The following EPB41L4B variants were observed in gnomAD, a reference collection of about 807,000 sequenced individuals.
The protein encoded by EPB41L4B is band 4.1-like protein 4B.
A neutral mutation model predicts 112.5 loss-of-function variants in EPB41L4B; 30 were observed. The observed-to-expected ratio is 0.27, with a 90% confidence interval of 0.20 to 0.36. The LOEUF is 0.36. Ranked by LOEUF, EPB41L4B falls within the 10% of genes least tolerant of loss-of-function variation. EPB41L4B has a pLI of 1.00. For synonymous variants in EPB41L4B, 408 were observed against 439.7 expected (o/e 0.93, Z 0.90); for missense variants, 1,024 against 1,133.3 (o/e 0.90, Z 1.38).
At chr9:109,240,030 C>T in intron 15 of EPB41L4B, 1 of 985,408 alleles carries the variant, frequency 1.0e-6, no homozygotes, top group Non-Finnish European at 1.2e-6. Context: ...TCTTGCTCCA[C>T]CCACCTAACT....
intron 1 of EPB41L4B, among the ~76,000 whole-genome samples, chr9:109,296,863 C>T (rs1251537945): frequency 6.8e-6 from 1 of 146,854 alleles, no homozygotes; most frequent in Non-Finnish European, 1.5e-5. Flanking sequence ...CAGAACGAGG[C>T]CATGTCTCAA....
chr9:109,272,930 A>C (rs988844064), intron 2 of EPB41L4B, among the ~76,000 whole-genome samples: 1 of 152,126 alleles, frequency 6.6e-6, no homozygotes, highest in African/African-American at 2.4e-5. Context: ...GATAAGAGGC[A>C]GAGCTGGAAT....
At position 109,267,976 on chromosome 9, in the gene EPB41L4B, A is replaced by G. The variant is rs1835467006; in HGVS notation, c.454+415T>C. 1.3e-5 allele frequency among the ~76,000 whole-genome samples: 2 copies of G among 152,252 alleles called. 1 individual carries two copies. Among genetic ancestry groups the G allele is most frequent in the South Asian group, 4.1e-4 (2 of 4,832 alleles). ...GAATTTTTAAAAATTACCCAAGCAT[A>G]AACAACATTAAAAAATGTGGTTTCC... On this transcript the variant is annotated intron_variant, in intron 3 of 25. Coordinates refer to ENST00000374566, the MANE Select transcript of EPB41L4B (RefSeq NM_019114.5).
At chr9:109,213,602 G>T in intron 17 of EPB41L4B, 98 bp downstream of exon 17, 1 of 950,934 alleles carries the variant, frequency 1.1e-6, no homozygotes, top group South Asian at 1.4e-5. Context: ...TCCCTCCAAG[G>T]CAAAGGCACT....
rs377325705 is a variant in EPB41L4B, at chr9:109,310,088, C to T, written c.306+10053G>A. 2.0e-5 allele frequency among the ~76,000 whole-genome samples: 3 copies of T among 152,194 alleles called. No individual in the cohort carries two copies. The South Asian group carries it at 6.2e-4, about 32-fold the overall frequency. Reference sequence around the variant, plus strand: ...AAGTTCAAAGCGGTGTTTTTTTTCCCTAATAGTTCCAAAGTGAAAACATCC... The same window carrying T: ...AAGTTCAAAGCGGTGTTTTTTTTCCTTAATAGTTCCAAAGTGAAAACATCC... On this transcript the variant is annotated intron_variant, in intron 1 of 25. Coordinates refer to ENST00000374566, the MANE Select transcript of EPB41L4B (RefSeq NM_019114.5).
At chr9:109,274,978 C>T (rs1835757669) in intron 2 of EPB41L4B, among the ~76,000 whole-genome samples, 2 of 152,240 alleles carry the variant, frequency 1.3e-5, no homozygotes, top group Admixed American at 6.5e-5. Context: ...GCCCTTGGCT[C>T]TCAGAAGCAA....
chr9:109,192,402 A>C, intron 21 of EPB41L4B, 47 bp from the exon 22 acceptor site: 1 of 1,443,854 alleles, frequency 6.9e-7, no homozygotes, highest in Non-Finnish European at 9.5e-7. Flanking sequence ...CACTGCATTG[A>C]TGATAAAGTT....
chr9:109,216,905 C>T lies in EPB41L4B; in HGVS notation c.1633+17G>A, dbSNP rs1374537336. 1 of 1,612,838 alleles carries T rather than the reference C, an allele frequency of 6.2e-7. No homozygotes were observed. Among genetic ancestry groups the T allele is most frequent in the East Asian group, 2.2e-5 (1 of 44,886 alleles). On this transcript the variant is annotated intron_variant, in intron 16 of 25. Transcript: ENST00000374566. ...TGCTCCCCCTTCTCCTGCCTTGCCC[C>T]CTCCACCCCTACTCACTTGTAAGGG...
intron 1 of EPB41L4B, among the ~76,000 whole-genome samples, chr9:109,288,256 T>A (rs993714674): frequency 3.3e-5 from 5 of 152,190 alleles, no homozygotes; most frequent in African/African-American, 4.8e-5. Flanking sequence ...ACTGGCTCTG[T>A]GATCTTGGAT....
intron 2 of EPB41L4B, among the ~76,000 whole-genome samples, chr9:109,278,600 G>C (rs1216380665): frequency 2.0e-5 from 3 of 152,120 alleles, no homozygotes; most frequent in Non-Finnish European, 2.9e-5. Flanking sequence ...GGGAGCTCCA[G>C]GTCTCCAGCT....
intron 16 of EPB41L4B, among the ~76,000 whole-genome samples, chr9:109,216,610 C>T (rs1029647371): frequency 6.8e-6 from 1 of 147,608 alleles, no homozygotes; most frequent in Non-Finnish European, 1.5e-5. Flanking sequence ...CACTGCACTC[C>T]AGCCTGGGTG....
At chr9:109,295,211 C>T (rs187369479) in intron 1 of EPB41L4B, among the ~76,000 whole-genome samples, 1 of 152,286 alleles carries the variant, frequency 6.6e-6, no homozygotes, top group African/African-American at 2.4e-5. Context: ...ACTTCACAGA[C>T]ACCACGTCCT....
chr9:109,309,759 G>GAA (rs1198488748), intron 1 of EPB41L4B, among the ~76,000 whole-genome samples: 1 of 83,388 alleles, frequency 1.2e-5, no homozygotes, highest in African/African-American at 5.4e-5. Context: ...CACACACAGA[G>GAA]AGAGAGAGAG....
intron 16 of EPB41L4B, 101 bp from the exon 17 acceptor site, chr9:109,213,919 C>G: frequency 1.0e-6 from 1 of 997,648 alleles, no homozygotes; most frequent in East Asian, 2.4e-5. Flanking sequence ...AGCACCCTTT[C>G]TGCCGGCCTC....
At chr9:109,195,560 C>T (rs1291508181) in intron 20 of EPB41L4B, among the ~76,000 whole-genome samples, 2 of 152,214 alleles carry the variant, frequency 1.3e-5, no homozygotes, top group Admixed American at 1.3e-4. Flanking sequence ...CACGTTCATT[C>T]ACCCACTTAA....
chr9:109,254,771 A>G (rs542451055), intron 11 of EPB41L4B, among the ~76,000 whole-genome samples: 1 of 152,346 alleles, frequency 6.6e-6, no homozygotes, highest in African/African-American at 2.4e-5. Flanking sequence ...ATGATAAGCA[A>G]AAATATATCA....
intron 1 of EPB41L4B, among the ~76,000 whole-genome samples, chr9:109,288,984 G>A (rs1381850742): frequency 2.0e-5 from 3 of 152,096 alleles, no homozygotes; most frequent in Non-Finnish European, 4.4e-5. Context: ...TTTAGTCACG[G>A]TAGCCCAGAA....
intron 5 of EPB41L4B, among the ~76,000 whole-genome samples, chr9:109,264,134 A>G (rs549700452): frequency 6.6e-6 from 1 of 152,322 alleles, no homozygotes; most frequent in East Asian, 1.9e-4. Flanking sequence ...CGGCTGAATA[A>G]GGCAAATGTA....
At chr9:109,240,009 T>C in intron 15 of EPB41L4B, 1 of 985,372 alleles carries the variant, frequency 1.0e-6, no homozygotes, top group Non-Finnish European at 1.2e-6. Context: ...AGCAGCCTCA[T>C]TCTAGGATGA....
Sources: gnomAD v4.1 joint callset for allele counts (sites outside exome capture counted in the v4.1 genomes callset) on GRCh38, gnomAD v4.1.1 for gene constraint, MANE v1.5 for transcripts, NCBI Gene and HGNC (gene_info 2026-07-23, HGNC 2026-07-21) for gene names.